The following FKTN variants were observed in gnomAD, a reference collection of about 807,000 sequenced individuals.
The protein encoded by FKTN is fukutin, also known as ribitol-5-phosphate transferase FKTN.
Under a neutral mutation model 58.6 loss-of-function variants are expected in FKTN, and 47 were observed. The ratio of observed to expected loss-of-function variants is 0.80; its 90% confidence interval spans 0.63 to 1.02. FKTN has a LOEUF of 1.02. Ranked by LOEUF, FKTN falls within the 50% of genes least tolerant of loss-of-function variation. The pLI is 0.00. For synonymous variants in FKTN, 178 were observed against 191.9 expected, an observed-to-expected ratio of 0.93 and a Z score of 0.60; for missense variants, 516 against 537.3, an observed-to-expected ratio of 0.96 and a Z score of 0.39.
intron 3 of FKTN, among the ~76,000 whole-genome samples, chr9:105,589,355 G>A (rs1312797122): frequency 1.3e-5 from 2 of 151,974 alleles, no homozygotes; most frequent in African/African-American, 4.8e-5. Flanking sequence ...AAAATTAGCT[G>A]GGTGTTGTGG....
chr9:105,579,327 A>G (rs1162632587), intron 3 of FKTN, among the ~76,000 whole-genome samples: 1 of 151,764 alleles, frequency 6.6e-6, no homozygotes, highest in African/African-American at 2.4e-5. Context: ...CCCTCTACAC[A>G]TTGCTTTAAA....
intron 9 of FKTN, among the ~76,000 whole-genome samples, chr9:105,619,563 G>A (rs1238298287): frequency 2.6e-5 from 4 of 152,178 alleles, no homozygotes; most frequent in African/African-American, 7.2e-5. Flanking sequence ...CTTATTTCCT[G>A]ATAGTTTTAT....
chr9:105,633,065 T>A (rs2133422569), intron 10 of FKTN, among the ~76,000 whole-genome samples: 1 of 152,340 alleles, frequency 6.6e-6, no homozygotes, highest in South Asian at 2.1e-4. Flanking sequence ...TTACATTTTA[T>A]TGTTTGTTTA....
chr9:105,598,149 C>T, intron 4 of FKTN: 1 of 467,982 alleles, frequency 2.1e-6, no homozygotes, highest in Non-Finnish European at 4.4e-6. Context: ...CCACGGTACG[C>T]AAGCAAAAAG....
intron 1 of FKTN, among the ~76,000 whole-genome samples, chr9:105,568,431 C>G (rs1454690101): frequency 1.3e-5 from 2 of 152,066 alleles, no homozygotes; most frequent in East Asian, 3.9e-4. Context: ...ACAAAGAACT[C>G]AAACAAATTT....
chr9:105,559,026 A>G (rs771289872), intron 1 of FKTN, among the ~76,000 whole-genome samples: 1 of 152,178 alleles, frequency 6.6e-6, no homozygotes, highest in Non-Finnish European at 1.5e-5. Flanking sequence ...GAAGAAAGGA[A>G]CCGGGGAAAT....
At chr9:105,586,470 C>T (rs1324591089) in intron 3 of FKTN, among the ~76,000 whole-genome samples, 3 of 152,130 alleles carry the variant, frequency 2.0e-5, no homozygotes, top group Non-Finnish European at 2.9e-5. Flanking sequence ...ATGCAACCAA[C>T]AGGATAGTAT....
Position 105,563,644 on chromosome 9 carries a change from G to A in FKTN, c.-181+5479G>A, listed in dbSNP as rs548332966. Among the ~76,000 whole-genome samples, 1,373 of 152,152 alleles carry A rather than the reference G, an allele frequency of 9.0e-3. 22 individuals carry two copies. The highest frequency in any genetic ancestry group is 0.032 in the African/African-American group (1,315 of 41,474). On this transcript the variant is annotated intron_variant, in intron 1 of 10. Coordinates refer to ENST00000357998, the MANE Select transcript of FKTN (RefSeq NM_001079802.2). ...TTGCTGAGGCTTGAGTAGATAAACA[G>A]AGGGGCCGGGAAGCTCGAACTGGGT... is the stretch of plus-strand genomic sequence containing the variant.
rs886044660 is a variant in FKTN, at chr9:105,607,941, C to G, written c.770C>G (p.Ala257Gly). The change falls in exon 7 of 11, where the codon GCA becomes GGA. Residue 257 changes from alanine to glycine, a missense_variant. Ala to Gly is a moderately conservative substitution (Grantham distance 60, BLOSUM62 0). Coordinates refer to ENST00000357998, the MANE Select transcript of FKTN (RefSeq NM_001079802.2). ...GAGTGTAGGTATAAAGAAGCTCGAGCATTCTTTCAGGTTAGAGACAACCAA... is the reference window on the plus strand; with the variant it reads ...GAGTGTAGGTATAAAGAAGCTCGAGGATTCTTTCAGGTTAGAGACAACCAA... ...FIECRYKEARAFFQQYLDDNT... is the reference protein window; with the variant it reads ...FIECRYKEARGFFQQYLDDNT... The G allele has an allele frequency of 1.2e-6, 2 of 1,611,522 alleles. No homozygotes were observed.
intron 3 of FKTN, among the ~76,000 whole-genome samples, chr9:105,583,074 G>A (rs1412688348): frequency 1.3e-5 from 2 of 152,160 alleles, no homozygotes; most frequent in Non-Finnish European, 2.9e-5. Flanking sequence ...GGGGAAGTAA[G>A]GTTTTACTAT....
At chr9:105,593,947 A>G (rs1826257507) in intron 3 of FKTN, among the ~76,000 whole-genome samples, 1 of 152,200 alleles carries the variant, frequency 6.6e-6, no homozygotes, top group South Asian at 2.1e-4. Flanking sequence ...ACCCATTAGG[A>G]GTTTTGCTGT....
intron 10 of FKTN, among the ~76,000 whole-genome samples, chr9:105,629,209 A>G (rs1306686467): frequency 6.6e-6 from 1 of 152,218 alleles, no homozygotes; most frequent in African/African-American, 2.4e-5. Flanking sequence ...AAAAAAATAA[A>G]AACTAAACTT....
intron 6 of FKTN, among the ~76,000 whole-genome samples, chr9:105,605,470 A>G (rs1828724179): frequency 6.6e-6 from 1 of 152,198 alleles, no homozygotes; most frequent in Non-Finnish European, 1.5e-5. Context: ...TTAAGTTAAT[A>G]TTAGGAATAA....
intron 6 of FKTN, 71 bp from the exon 7 acceptor site, chr9:105,607,748 G>A: frequency 7.4e-7 from 1 of 1,349,636 alleles, no homozygotes; most frequent in Non-Finnish European, 1.1e-6. Context: ...CACGCATTAG[G>A]TATTTGTCCT....
intron 4 of FKTN, chr9:105,600,845 C>A: frequency 4.6e-6 from 1 of 216,490 alleles, no homozygotes. Flanking sequence ...ATTTCTTATC[C>A]TTTTGATGTA....
chr9:105,575,244 C>T (rs773335262), intron 3 of FKTN, 107 bp downstream of exon 3: 1 of 755,586 alleles, frequency 1.3e-6, no homozygotes, highest in Non-Finnish European at 2.3e-6. Context: ...TATTCAAATT[C>T]TTGCATCTTT....
intron 10 of FKTN, among the ~76,000 whole-genome samples, chr9:105,627,316 T>A (rs1163807581): frequency 6.6e-6 from 1 of 152,182 alleles, no homozygotes; most frequent in East Asian, 1.9e-4. Context: ...AAAAAGTTAT[T>A]TTAATGTAGT....
Position 105,638,141 on chromosome 9 carries a change from C to T in FKTN, c.*2877C>T, listed in dbSNP as rs1834168735. 1 of 983,856 alleles carries T rather than the reference C, an allele frequency of 1.0e-6. No homozygotes were observed. Among genetic ancestry groups the T allele is most frequent in the Non-Finnish European group, 1.2e-6 (1 of 828,642 alleles). The allele number at this position is 983,856 out of a possible 1,614,324, so 60.9% of individuals were successfully genotyped here. A position where few individuals can be genotyped will look rare whatever the true frequency, so the allele number is the denominator to read the frequency against. ...CAGAAAAGAATGATCTGAACAAGAA[C>T]AGCTGAGGCTAAAACCCAAGACTGC... is the stretch of plus-strand genomic sequence containing the variant. On this transcript the variant is annotated 3_prime_UTR_variant, in exon 11 of 11. Transcript: ENST00000357998.
chr9:105,621,147 G>A (rs10978172), intron 10 of FKTN, among the ~76,000 whole-genome samples: 20,871 of 152,024 alleles, frequency 0.14, 1,808 homozygotes, highest in East Asian at 0.46. Context: ...CAGTGTTTGG[G>A]AAGTGTGAAG....
Sources: allele counts gnomAD v4.1 joint callset (sites outside exome capture counted in the v4.1 genomes callset), GRCh38; gene constraint gnomAD v4.1.1; transcripts MANE v1.5; gene names NCBI Gene and HGNC (gene_info 2026-07-23, HGNC 2026-07-21).